The following ELMO1 variants were observed in gnomAD, a reference collection of about 807,000 sequenced individuals.
ELMO1 encodes the protein engulfment and cell motility 1.
Under a neutral mutation model 98.9 loss-of-function variants are expected in ELMO1, and 26 were observed. The ratio of observed to expected loss-of-function variants is 0.26; its 90% CI spans 0.19 to 0.36. The LOEUF is 0.36. ELMO1 is among the 10% of genes least tolerant of loss of function. The pLI is 1.00. For missense variants in ELMO1, 627 were observed against 935.2 expected, an observed-to-expected ratio of 0.67 and a Z score of 4.30; for synonymous variants, 346 against 346.0, an observed-to-expected ratio of 1.00 and a Z score of 0.00.
At chr7:37,137,421 G>A (rs1421798954) in intron 13 of ELMO1, among the ~76,000 whole-genome samples, 2 of 152,070 alleles carry the variant, frequency 1.3e-5, no homozygotes, top group African/African-American at 4.8e-5. Context: ...ACAACAAATG[G>A]ACTTAATGGA....
chr7:37,201,836 G>A (rs1792315726), intron 13 of ELMO1, among the ~76,000 whole-genome samples: 1 of 152,238 alleles, frequency 6.6e-6, no homozygotes, highest in Admixed American at 6.5e-5. Flanking sequence ...TGCCTCAGAA[G>A]TTATTAGAAC....
chr7:37,007,492 T>G (rs1793224414), intron 16 of ELMO1, among the ~76,000 whole-genome samples: 1 of 152,200 alleles, frequency 6.6e-6, no homozygotes, highest in Admixed American at 6.5e-5. Flanking sequence ...AGGAGACTCA[T>G]GTTTATTCAT....
chr7:36,859,775 G>A (rs957856419), intron 21 of ELMO1, among the ~76,000 whole-genome samples: 2 of 152,170 alleles, frequency 1.3e-5, no homozygotes, highest in Non-Finnish European at 2.9e-5. Context: ...AGCCAGGGTC[G>A]TTATACTTAC....
chr7:37,310,389 C>T (rs1798829413), intron 4 of ELMO1, among the ~76,000 whole-genome samples: 1 of 152,126 alleles, frequency 6.6e-6, no homozygotes, highest in Admixed American at 6.5e-5. Flanking sequence ...TCCATACATG[C>T]TTAGGATTAG....
intron 8 of ELMO1, among the ~76,000 whole-genome samples, chr7:37,228,492 TAAGG>T (rs1490922125): frequency 6.6e-6 from 1 of 152,134 alleles, no homozygotes; most frequent in African/African-American, 2.4e-5. Flanking sequence ...GCCTGTAACA[TAAGG>T]AAGAAGCAAG....
chr7:37,184,159 C>A (rs1050411691), intron 13 of ELMO1, among the ~76,000 whole-genome samples: 1 of 151,856 alleles, frequency 6.6e-6, no homozygotes, highest in Non-Finnish European at 1.5e-5. Context: ...ATTTTGGATT[C>A]TTTTCCAGAT....
intron 1 of ELMO1, among the ~76,000 whole-genome samples, chr7:37,345,785 C>T (rs1040735152): frequency 1.7e-4 from 26 of 151,666 alleles, no homozygotes; most frequent in African/African-American, 9.7e-5. Flanking sequence ...GTCAGGAGAT[C>T]GAGACCATCC....
At chr7:37,142,415 C>T (rs1787701177) in intron 13 of ELMO1, among the ~76,000 whole-genome samples, 1 of 152,186 alleles carries the variant, frequency 6.6e-6, no homozygotes, top group Non-Finnish European at 1.5e-5. Context: ...AAATCTCACA[C>T]CTGGTAGGTG....
At chr7:37,256,944 A>G (rs1282516641) in intron 6 of ELMO1, among the ~76,000 whole-genome samples, 2 of 152,312 alleles carry the variant, frequency 1.3e-5, no homozygotes, top group East Asian at 3.9e-4. Context: ...CTCTTTCATA[A>G]TAAATGCCTA....
chr7:37,302,905 T>C (rs1375994269), intron 4 of ELMO1, among the ~76,000 whole-genome samples: 2 of 152,186 alleles, frequency 1.3e-5, no homozygotes, highest in African/African-American at 4.8e-5. Flanking sequence ...CCTAGGGCCC[T>C]AATGTTACTG....
intron 4 of ELMO1, among the ~76,000 whole-genome samples, chr7:37,291,257 C>T (rs1484568330): frequency 6.6e-6 from 1 of 152,168 alleles, no homozygotes; most frequent in Non-Finnish European, 1.5e-5. Flanking sequence ...AACTTTCTAA[C>T]TTTTGAAATA....
In ELMO1 at chr7:37,356,609, C is replaced by T. The variant is rs547055688; in HGVS notation, c.-73-13846G>A. On this transcript the variant is annotated intron_variant, in intron 1 of 21. Transcript: ENST00000310758. ...ACACAGGGAGGGGAACATCACACAC[C>T]GGGGCCCGTGTGATAGGGGAGGGAT... Among the ~76,000 whole-genome samples, 56 of 151,938 alleles carry T rather than the reference C, an allele frequency of 3.7e-4. 2 individuals are homozygous for T. In the South Asian group the frequency reaches 0.011, roughly 29 times the overall value.
intron 6 of ELMO1, among the ~76,000 whole-genome samples, chr7:37,257,111 A>G (rs577742416): frequency 1.1e-4 from 16 of 152,296 alleles, no homozygotes; most frequent in African/African-American, 3.4e-4. Flanking sequence ...GGCATTCAGC[A>G]TTCAGTGGTT....
intron 2 of ELMO1, among the ~76,000 whole-genome samples, chr7:37,339,205 C>A (rs975465467): frequency 1.3e-5 from 2 of 152,236 alleles, no homozygotes; most frequent in African/African-American, 4.8e-5. Flanking sequence ...ATCACAGATG[C>A]AGATGAAAAG....
chr7:37,180,153 T>C (rs1385468928), intron 13 of ELMO1, among the ~76,000 whole-genome samples: 1 of 152,094 alleles, frequency 6.6e-6, no homozygotes, highest in Non-Finnish European at 1.5e-5. Context: ...TGCCCGAAAC[T>C]AAAGGAATAG....
chr7:36,861,975 G>T, intron 20 of ELMO1: 1 of 527,672 alleles, frequency 1.9e-6, no homozygotes, highest in Non-Finnish European at 3.4e-6. Flanking sequence ...TGTAGCAAGT[G>T]TTTTCATCTC....
intron 16 of ELMO1, among the ~76,000 whole-genome samples, chr7:36,935,159 G>A (rs561382608): frequency 4.3e-4 from 66 of 152,148 alleles, no homozygotes; most frequent in Non-Finnish European, 8.1e-4. Flanking sequence ...CCCACATACT[G>A]TTCTCGCGCC....
At chr7:36,860,069 C>T (rs1440531158) in intron 21 of ELMO1, among the ~76,000 whole-genome samples, 3 of 152,192 alleles carry the variant, frequency 2.0e-5, no homozygotes, top group Admixed American at 2.0e-4. Flanking sequence ...ACTTTCTTAA[C>T]ATTTTCTTTT....
At chr7:37,133,099 C>T (rs1787037905) in intron 14 of ELMO1, 31 bp downstream of exon 14, 4 of 1,555,896 alleles carry the variant, frequency 2.6e-6, no homozygotes, top group Non-Finnish European at 3.5e-6. Context: ...GTAGGAAACA[C>T]ACAATATCTG....
Sources: gnomAD v4.1 joint callset for allele counts (sites outside exome capture counted in the v4.1 genomes callset) on GRCh38, gnomAD v4.1.1 for gene constraint, MANE v1.5 for transcripts, NCBI Gene and HGNC (gene_info 2026-07-23, HGNC 2026-07-21) for gene names.